RPS6KA3: variants seen among roughly 807,000 people sequenced by gnomAD.
RPS6KA3 encodes ribosomal protein S6 kinase A3.
RPS6KA3 carries 4 observed loss-of-function variants against 67.2 expected under a neutral mutation model. The observed-to-expected ratio is 0.06, with a 90% CI of 0.03 to 0.14. The LOEUF (loss-of-function observed/expected upper bound fraction) is 0.14. RPS6KA3 is among the 10% of genes least tolerant of loss of function. The pLI, the probability that RPS6KA3 is intolerant of heterozygous loss-of-function variation, is 1.00. For synonymous variants in RPS6KA3, 182 were observed against 183.7 expected (o/e 0.99, Z 0.07); for missense variants, 204 against 559.0 (o/e 0.36, Z 6.40).
chrX:20,164,809 C>T, intron 18 of RPS6KA3, 90 bp downstream of exon 18: 7 of 714,082 alleles, frequency 9.8e-6, no homozygotes, highest in Non-Finnish European at 1.5e-5. Context: ...AGTAAGTCTT[C>T]AATTAAATTA....
At chrX:20,158,365 C>CA (rs1209085517) in intron 20 of RPS6KA3, among the ~76,000 whole-genome samples, 5,917 of 28,431 alleles carry the variant, frequency 0.21, 757 homozygotes, top group Non-Finnish European at 0.28. Context: ...GACTCTATCT[C>CA]AAAAAAAAAA....
At chrX:20,217,215 T>C (rs2068878590) in intron 2 of RPS6KA3, among the ~76,000 whole-genome samples, 1 of 112,234 alleles carries the variant, frequency 8.9e-6, no homozygotes, top group Admixed American at 9.4e-5. Flanking sequence ...CTTAGGTTTA[T>C]ACCTCAATGG....
chrX:20,262,927 A>G (rs769616122), intron 1 of RPS6KA3, among the ~76,000 whole-genome samples: 6 of 111,569 alleles, frequency 5.4e-5, no homozygotes, highest in Non-Finnish European at 9.4e-5. Context: ...TTGAGGTTAA[A>G]AATGGCTGCA....
chrX:20,233,812 T>A lies in RPS6KA3; in HGVS notation c.126+946A>T, dbSNP rs958281175. Among the ~76,000 whole-genome samples, 3 of 111,920 alleles carry A rather than the reference T, an allele frequency of 2.7e-5. No individual in the cohort carries two copies. The Admixed American group carries it at 2.8e-4, about 11-fold the overall frequency. On this transcript the variant is annotated intron_variant, in intron 2 of 21. Transcript: ENST00000379565. ...AGAGGTAGTTCTATATGTACTGTCATACAAAGATGTTCAAGACATGTTAAG... is the reference window on the plus strand; with the variant it reads ...AGAGGTAGTTCTATATGTACTGTCAAACAAAGATGTTCAAGACATGTTAAG...
At chrX:20,166,701 C>A (rs1004853740) in intron 17 of RPS6KA3, among the ~76,000 whole-genome samples, 2 of 106,716 alleles carry the variant, frequency 1.9e-5, no homozygotes, top group African/African-American at 6.8e-5. Context: ...CCTTTCCTCC[C>A]AGACTTCCCT....
chrX:20,156,014 G>A, intron 21 of RPS6KA3, 95 bp downstream of exon 21: 3 of 946,024 alleles, frequency 3.2e-6, no homozygotes, highest in Non-Finnish European at 4.6e-6. Context: ...ACTGGATGCA[G>A]GATGAAAGAG....
chrX:20,191,619 C>T (rs1362464507), intron 7 of RPS6KA3, among the ~76,000 whole-genome samples: 4 of 105,139 alleles, frequency 3.8e-5, no homozygotes, highest in Middle Eastern at 4.7e-3. Flanking sequence ...CTCTAATGAC[C>T]AGGGATGATG....
At chrX:20,238,292 GCAGTTCA>G (rs1448380984) in intron 1 of RPS6KA3, among the ~76,000 whole-genome samples, 1 of 111,353 alleles carries the variant, frequency 9.0e-6, no homozygotes, top group African/African-American at 3.3e-5. Flanking sequence ...TTATGTTAAT[GCAGTTCA>G]CATATGCATT....
At chrX:20,232,574 AAAACAAAC>A (rs751283480) in intron 2 of RPS6KA3, among the ~76,000 whole-genome samples, 3 of 111,788 alleles carry the variant, frequency 2.7e-5, no homozygotes, top group South Asian at 7.4e-4. Flanking sequence ...TCCGTCTCAA[AAAACAAAC>A]AAACAAACAA....
intron 3 of RPS6KA3, among the ~76,000 whole-genome samples, chrX:20,206,866 G>A (rs1198135818): frequency 9.0e-6 from 1 of 111,488 alleles, no homozygotes; most frequent in Admixed American, 9.6e-5. Flanking sequence ...CTAGCAGGAT[G>A]GAGCTTAAGG....
Position 20,153,546 on chromosome X carries a change from G to T in RPS6KA3, c.*1852C>A, listed in dbSNP as rs1319764345. ...TAGGGGAAAATTTAAAGCTTCTGTG[G>T]CAGGAAAAAAGGTTTCTGATATAAA... On this transcript the variant is annotated 3_prime_UTR_variant, in exon 22 of 22. Coordinates refer to ENST00000379565, the MANE Select transcript of RPS6KA3 (RefSeq NM_004586.3). 9.0e-6 allele frequency: 1 copy of T among 110,971 alleles called. No individual in the cohort carries two copies. Among genetic ancestry groups the T allele is most frequent in the Non-Finnish European group, 1.9e-5 (1 of 52,922 alleles). 9.1% of individuals were successfully genotyped at this position (110,971 alleles called of 1,213,427 possible).
At chrX:20,228,353 T>G (rs914146636) in intron 2 of RPS6KA3, among the ~76,000 whole-genome samples, 3 of 111,659 alleles carry the variant, frequency 2.7e-5, no homozygotes, top group African/African-American at 9.8e-5. Flanking sequence ...ACACTAAAGG[T>G]CTCCCAAAGG....
chrX:20,247,208 T>A (rs750344738), intron 1 of RPS6KA3, among the ~76,000 whole-genome samples: 51 of 108,458 alleles, frequency 4.7e-4, no homozygotes, highest in Admixed American at 2.3e-3. Flanking sequence ...GGTGGATTGC[T>A]TGAGGCCAGG....
intron 2 of RPS6KA3, among the ~76,000 whole-genome samples, chrX:20,212,708 C>T (rs779657726): frequency 2.7e-5 from 3 of 110,214 alleles, no homozygotes; most frequent in Middle Eastern, 4.6e-3. Context: ...CACTGTACTC[C>T]AGCCTGGGCA....
At position 20,179,454 on chromosome X, in the gene RPS6KA3, G is replaced by C. The variant is rs985512088; in HGVS notation, c.846-2370C>G. On this transcript the variant is annotated intron_variant, in intron 10 of 21. Transcript: ENST00000379565. Reference sequence around the variant, plus strand: ...GAAAAGCATATCATAGACGGATCCTGGGGGATAAGACCATTTAAAAGGTAG... The same window carrying C: ...GAAAAGCATATCATAGACGGATCCTCGGGGATAAGACCATTTAAAAGGTAG... Among the ~76,000 whole-genome samples, 38 of 111,031 alleles carry C rather than the reference G, an allele frequency of 3.4e-4. No individual in the cohort carries two copies. The Admixed American group carries it at 3.6e-3, about 11-fold the overall frequency.
At chrX:20,190,031 A>G (rs761760557) in intron 7 of RPS6KA3, among the ~76,000 whole-genome samples, 1 of 111,196 alleles carries the variant, frequency 9.0e-6, no homozygotes, top group South Asian at 3.9e-4. Context: ...CCTCCCTTCT[A>G]GTGAATACAT....
chrX:20,182,264 T>TCAC (rs2067862164), intron 10 of RPS6KA3, among the ~76,000 whole-genome samples: 1 of 111,971 alleles, frequency 8.9e-6, no homozygotes, highest in Non-Finnish European at 1.9e-5. Context: ...TGCTTTAGTT[T>TCAC]TGCCTGCTTT....
At position 20,238,102 on chromosome X, in the gene RPS6KA3, C is replaced by CT. The variant is rs761107802; in HGVS notation, c.70-3289dup. Reference sequence around the variant, plus strand: ...CCTGAAACTTATCTTTTCTAGATAACTTAAGTTCCTTCAAACATTTCTTTA... The same window carrying CT: ...CCTGAAACTTATCTTTTCTAGATAACTTTAAGTTCCTTCAAACATTTCTTTA... On this transcript the variant is annotated intron_variant, in intron 1 of 21. Coordinates refer to ENST00000379565, the MANE Select transcript of RPS6KA3 (RefSeq NM_004586.3). 1.1e-4 allele frequency among the ~76,000 whole-genome samples: 12 copies of CT among 111,560 alleles called. No homozygotes were observed. The East Asian group carries it at 3.1e-3, about 29-fold the overall frequency.
chrX:20,211,655 T>C (rs908154603), intron 2 of RPS6KA3, among the ~76,000 whole-genome samples: 1 of 111,753 alleles, frequency 8.9e-6, no homozygotes, highest in Non-Finnish European at 1.9e-5. Context: ...TTCTCTTCTT[T>C]TCTTTTTCTA....
Sources: allele counts gnomAD v4.1 joint callset (sites outside exome capture counted in the v4.1 genomes callset), GRCh38; gene constraint gnomAD v4.1.1; transcripts MANE v1.5; gene names NCBI Gene and HGNC (gene_info 2026-07-23, HGNC 2026-07-21).